PCDH9: variants seen among roughly 807,000 people sequenced by gnomAD.
PCDH9 encodes protocadherin-9.
A neutral mutation model predicts 70.6 loss-of-function variants in PCDH9; 24 were observed. That is an observed-to-expected ratio of 0.34 (90% CI 0.25 to 0.48). PCDH9 has a LOEUF of 0.48. Ranked by LOEUF, PCDH9 falls within the 20% of genes least tolerant of loss-of-function variation. The pLI is 0.99. For synonymous variants in PCDH9, 562 were observed against 558.5 expected (o/e 1.01, Z -0.09); for missense variants, 1,281 against 1,503.6 (o/e 0.85, Z 2.45).
intron 4 of PCDH9, among the ~76,000 whole-genome samples, chr13:66,522,954 T>C (rs951267726): frequency 6.6e-6 from 1 of 152,158 alleles, no homozygotes; most frequent in Non-Finnish European, 1.5e-5. Context: ...ATTTGTCTGC[T>C]AGCAAATAAT....
rs112079456 is a variant in PCDH9, at chr13:67,152,200, T to A, written c.3036+73205A>T. Among the ~76,000 whole-genome samples the A allele has an allele frequency of 1.6e-3, 242 of 152,294 alleles. 3 individuals carry two copies. Among genetic ancestry groups the A allele is most frequent in the Non-Finnish European group, 1.2e-3 (80 of 68,028 alleles). On this transcript the variant is annotated intron_variant, in intron 2 of 4. Coordinates refer to ENST00000377865, the MANE Select transcript of PCDH9 (RefSeq NM_203487.3). The stretch of plus-strand genomic sequence containing the variant: ...CATACACCCAGAAGAAACCTGTATG[T>A]TTTACTGTTGATAGGAAACGGAACT...
At chr13:66,620,355 G>T (rs138207739) in intron 4 of PCDH9, among the ~76,000 whole-genome samples, 1 of 152,226 alleles carries the variant, frequency 6.6e-6, no homozygotes, top group African/African-American at 2.4e-5. Context: ...AAGTATCTGA[G>T]ACTTAAAGAC....
intron 2 of PCDH9, among the ~76,000 whole-genome samples, chr13:66,935,658 G>T (rs989481549): frequency 7.2e-5 from 11 of 151,838 alleles, no homozygotes; most frequent in African/African-American, 2.7e-4. Context: ...CCTTAACAGA[G>T]AAATCACAAA....
chr13:66,582,194 A>C (rs1282695448), intron 4 of PCDH9, among the ~76,000 whole-genome samples: 2 of 152,112 alleles, frequency 1.3e-5, no homozygotes, highest in Non-Finnish European at 2.9e-5. Context: ...GGAATTTCAC[A>C]CTGTTATATT....
intron 4 of PCDH9, among the ~76,000 whole-genome samples, chr13:66,564,740 A>G (rs2076627119): frequency 6.6e-6 from 1 of 151,914 alleles, no homozygotes; most frequent in Non-Finnish European, 1.5e-5. Flanking sequence ...ACATTTTACT[A>G]TTTTCCTGAT....
intron 4 of PCDH9, among the ~76,000 whole-genome samples, chr13:66,369,046 C>A (rs1462795156): frequency 6.6e-6 from 1 of 152,064 alleles, no homozygotes; most frequent in Non-Finnish European, 1.5e-5. Context: ...TCTTTTGTTT[C>A]TCTTGCTAAA....
intron 2 of PCDH9, among the ~76,000 whole-genome samples, chr13:66,952,018 G>C (rs963815399): frequency 6.6e-6 from 1 of 152,144 alleles, no homozygotes; most frequent in Non-Finnish European, 1.5e-5. Flanking sequence ...TCTGTGCTAA[G>C]GTAAGCAAGC....
At chr13:66,724,501 T>C (rs1399441120) in intron 3 of PCDH9, among the ~76,000 whole-genome samples, 1 of 152,214 alleles carries the variant, frequency 6.6e-6, no homozygotes, top group Non-Finnish European at 1.5e-5. Context: ...TGCAAGAGAA[T>C]GAAGGTGCAA....
At position 67,021,157 on chromosome 13, in the gene PCDH9, A is replaced by G. The variant is rs114677134; in HGVS notation, c.3037-117552T>C. Among the ~76,000 whole-genome samples the G allele has an allele frequency of 2.6e-3, 397 of 152,334 alleles. 5 individuals carry two copies. Among genetic ancestry groups the G allele is most frequent in the African/African-American group, 9.2e-3 (381 of 41,574 alleles). Reference sequence around the variant, plus strand: ...AACTCATCCATAAGTTACCCAATACAGACCTCCAACTCACAAAGCAAAGTG... The same window carrying G: ...AACTCATCCATAAGTTACCCAATACGGACCTCCAACTCACAAAGCAAAGTG... On this transcript the variant is annotated intron_variant, in intron 2 of 4. Coordinates refer to ENST00000377865, the MANE Select transcript of PCDH9 (RefSeq NM_203487.3).
intron 3 of PCDH9, among the ~76,000 whole-genome samples, chr13:66,682,800 C>A (rs1235240387): frequency 6.6e-6 from 1 of 152,042 alleles, no homozygotes; most frequent in Non-Finnish European, 1.5e-5. Context: ...AAAGCTGTAT[C>A]AGAGTTGAAG....
At chr13:66,735,438 CACAG>C (rs571889700) in intron 3 of PCDH9, among the ~76,000 whole-genome samples, 175 of 152,132 alleles carry the variant, frequency 1.2e-3, no homozygotes, top group Non-Finnish European at 2.0e-3. Context: ...CATACATTTA[CACAG>C]ACAGATGTAT....
intron 3 of PCDH9, among the ~76,000 whole-genome samples, chr13:66,748,896 C>A (rs2079413717): frequency 6.6e-6 from 1 of 152,150 alleles, no homozygotes. Context: ...AAGGGCAGGA[C>A]TAGGTGGAGA....
At chr13:67,158,067 C>T (rs919447573) in intron 2 of PCDH9, among the ~76,000 whole-genome samples, 16 of 152,098 alleles carry the variant, frequency 1.1e-4, no homozygotes, top group Admixed American at 2.0e-4. Context: ...ATTTTTAAAA[C>T]GAAGATAATT....
intron 2 of PCDH9, among the ~76,000 whole-genome samples, chr13:67,144,281 G>A (rs1417287866): frequency 1.3e-5 from 2 of 152,120 alleles, no homozygotes; most frequent in East Asian, 3.8e-4. Flanking sequence ...GGAAGAAGGT[G>A]CTACAACTTT....
intron 2 of PCDH9, among the ~76,000 whole-genome samples, chr13:67,078,044 T>G (rs540919114): frequency 6.6e-6 from 1 of 152,272 alleles, no homozygotes; most frequent in East Asian, 1.9e-4. Context: ...TTCTACACGT[T>G]CCAGCCAAAG....
intron 2 of PCDH9, among the ~76,000 whole-genome samples, chr13:66,914,760 A>G (rs757646161): frequency 9.2e-5 from 14 of 151,854 alleles, no homozygotes; most frequent in Non-Finnish European, 1.5e-4. Flanking sequence ...TTTGTCTTCA[A>G]AGAGTTGACA....
intron 2 of PCDH9, among the ~76,000 whole-genome samples, chr13:67,114,047 C>T (rs1222869870): frequency 6.6e-6 from 1 of 152,102 alleles, no homozygotes. Context: ...TTCATTATAA[C>T]TCGGCAGAAA....
intron 3 of PCDH9, among the ~76,000 whole-genome samples, chr13:66,818,334 TTC>T (rs1217095149): frequency 1.3e-5 from 2 of 152,218 alleles, no homozygotes; most frequent in African/African-American, 4.8e-5. Flanking sequence ...GTTTAAGTTA[TTC>T]TGTTTATTTT....
chr13:67,214,502 TGGGTAATCTATGG>T (rs1175655207), intron 2 of PCDH9: 2 of 152,142 alleles, frequency 1.3e-5, no homozygotes, highest in African/African-American at 4.8e-5. Context: ...GTGGAGCTTC[TGGGTAATCTATGG>T]GGACGTAAAT....
Sources: gnomAD v4.1 joint callset for allele counts (sites outside exome capture counted in the v4.1 genomes callset) on GRCh38, gnomAD v4.1.1 for gene constraint, MANE v1.5 for transcripts, NCBI Gene and HGNC (gene_info 2026-07-23, HGNC 2026-07-21) for gene names.